The following BCAS4 variants were observed in gnomAD, a reference collection of about 807,000 sequenced individuals.
BCAS4 encodes the protein breast carcinoma amplified sequence 4, also known as breast carcinoma-amplified sequence 4.
A neutral mutation model predicts 15.7 loss-of-function variants in BCAS4; 9 were observed. The observed-to-expected ratio is 0.57, with a 90% CI of 0.34 to 1.00. BCAS4 has a LOEUF of 1.00. Ranked by LOEUF, BCAS4 falls within the 50% of genes least tolerant of loss-of-function variation. The pLI is 0.02. For missense variants in BCAS4, 225 were observed against 239.1 expected, an observed-to-expected ratio of 0.94 and a Z score of 0.39; for synonymous variants, 101 against 99.5, an observed-to-expected ratio of 1.02 and a Z score of -0.09.
chr20:50,867,726 C>T (rs915845247), intron 4 of BCAS4, among the ~76,000 whole-genome samples: 3 of 152,200 alleles, frequency 2.0e-5, no homozygotes, highest in East Asian at 3.9e-4. Context: ...TCAGCCTAGT[C>T]AACATGGTGA....
At chr20:50,812,972 T>C (rs1354067923) in intron 1 of BCAS4, among the ~76,000 whole-genome samples, 2 of 152,030 alleles carry the variant, frequency 1.3e-5, no homozygotes, top group Non-Finnish European at 2.9e-5. Context: ...CATGCCACCA[T>C]GTCCGGCTAA....
At chr20:50,862,229 A>T (rs555307521) in intron 4 of BCAS4, among the ~76,000 whole-genome samples, 1 of 150,034 alleles carries the variant, frequency 6.7e-6, no homozygotes, top group Admixed American at 6.7e-5. Context: ...CGCTCTCTGG[A>T]TTCTGCCCTC....
At chr20:50,818,102 G>A (rs573599819) in intron 1 of BCAS4, 109 bp from the exon 2 acceptor site, 57 of 985,412 alleles carry the variant, frequency 5.8e-5, no homozygotes, top group African/African-American at 4.6e-4. Context: ...AGCAGGAACC[G>A]GGCACATAAT....
At chr20:50,820,279 A>G (rs2088197870) in intron 2 of BCAS4, among the ~76,000 whole-genome samples, 1 of 152,202 alleles carries the variant, frequency 6.6e-6, no homozygotes, top group Non-Finnish European at 1.5e-5. Flanking sequence ...GTGCCGTCCC[A>G]TGCTACAGTG....
In BCAS4 at chr20:50,796,485, A is replaced by ATTTTTTTTTTTTTTTTTTTTTT. The variant is rs1198586862; in HGVS notation, c.90+1313_90+1314insTTTTTTTTTTTTTTTTTTTTTT. On this transcript the variant is annotated intron_variant, in intron 1 of 4. Coordinates refer to ENST00000371608, the MANE Select transcript of BCAS4 (RefSeq NM_198799.4). ...TATATATATATATATATATATATAT[A>ATTTTTTTTTTTTTTTTTTTTTT]TATTTTTTTTTTTTTTTTTTTTTTT... is the stretch of plus-strand genomic sequence containing the variant. Among the ~76,000 whole-genome samples the ATTTTTTTTTTTTTTTTTTTTTT allele has an allele frequency of 1.9e-4, 2 of 10,312 alleles. 1 individual carries two copies. Among genetic ancestry groups the ATTTTTTTTTTTTTTTTTTTTTT allele is most frequent in the Non-Finnish European group, 3.2e-4 (2 of 6,266 alleles). The allele number at this position is 10,312 out of a possible 152,430, so 6.8% of individuals were successfully genotyped here.
chr20:50,826,692 C>A (rs1023220092), intron 2 of BCAS4, among the ~76,000 whole-genome samples: 15 of 152,064 alleles, frequency 9.9e-5, no homozygotes, highest in Non-Finnish European at 1.5e-4. Flanking sequence ...TACTAAGGGG[C>A]CAGGCACAAT....
intron 1 of BCAS4, among the ~76,000 whole-genome samples, chr20:50,809,860 C>T (rs573972942): frequency 1.3e-5 from 2 of 152,158 alleles, no homozygotes; most frequent in South Asian, 2.1e-4. Context: ...TTATTTTTTG[C>T]AGCTGTTGCA....
Position 50,818,298 on chromosome 20 carries a change from G to A in BCAS4, c.162+16G>A. The stretch of plus-strand genomic sequence containing the variant: ...GGCTGACCTGGTGAGTGGCTGCCTG[G>A]AAGGCGTGGGTTTAGGCCCAGGCCA... On this transcript the variant is annotated intron_variant, in intron 2 of 4. Coordinates refer to ENST00000371608, the MANE Select transcript of BCAS4 (RefSeq NM_198799.4). The A allele has an allele frequency of 6.2e-7, 1 of 1,610,756 alleles. No individual in the cohort carries two copies. The highest frequency in any genetic ancestry group is 1.1e-5 in the South Asian group (1 of 90,400).
intron 2 of BCAS4, among the ~76,000 whole-genome samples, chr20:50,823,301 C>T (rs2088239221): frequency 6.6e-6 from 1 of 152,028 alleles, no homozygotes; most frequent in South Asian, 2.1e-4. Context: ...GATTGCATCA[C>T]TGCACTCCAG....
chr20:50,849,372 T>C (rs2088583283), intron 4 of BCAS4, among the ~76,000 whole-genome samples: 1 of 152,184 alleles, frequency 6.6e-6, no homozygotes, highest in Admixed American at 6.5e-5. Context: ...CTGGCCCACC[T>C]GTTCACCCCT....
chr20:50,801,169 G>A (rs1313185457), intron 1 of BCAS4, among the ~76,000 whole-genome samples: 1 of 151,906 alleles, frequency 6.6e-6, no homozygotes, highest in African/African-American at 2.4e-5. Flanking sequence ...GCTCATGCCT[G>A]TAATTCTAGC....
rs772094503 is a variant in BCAS4 at position 50,818,278 on chromosome 20, A to G, written c.158A>G (p.Asp53Gly). 6.2e-7 allele frequency: 1 copy of G among 1,613,362 alleles called. No homozygotes were observed. Reference protein sequence around the residue: ...LRLEEFCSLADLIRSDTSQIL... With the variant: ...LRLEEFCSLAGLIRSDTSQIL... ...CTGGAAGAGTTTTGCAGCCTGGCTGACCTGGTGAGTGGCTGCCTGGAAGGC... is the reference window on the plus strand; with the variant it reads ...CTGGAAGAGTTTTGCAGCCTGGCTGGCCTGGTGAGTGGCTGCCTGGAAGGC... The change falls in exon 2 of 5, where the codon GAC becomes GGC. Residue 53 changes from aspartate (D) to glycine (G), a missense_variant. Asp to Gly is a moderately conservative substitution (Grantham distance 94). Coordinates refer to ENST00000371608, the MANE Select transcript of BCAS4 (RefSeq NM_198799.4).
intron 2 of BCAS4, among the ~76,000 whole-genome samples, chr20:50,819,189 A>G (rs1311316357): frequency 1.3e-5 from 2 of 152,022 alleles, no homozygotes; most frequent in Non-Finnish European, 2.9e-5. Context: ...TCTCAAAAAA[A>G]AAAGAAAAGA....
chr20:50,828,609 G>A lies in BCAS4; in HGVS notation c.163-1670G>A, dbSNP rs572976762. On this transcript the variant is annotated intron_variant, in intron 2 of 4. Coordinates refer to ENST00000371608, the MANE Select transcript of BCAS4 (RefSeq NM_198799.4). ...AACCTGGCCAACGTGGTGAAACCCC[G>A]TCTCTACTAAAATACAAAAACTACG... 2.9e-4 allele frequency among the ~76,000 whole-genome samples: 44 copies of A among 152,232 alleles called. 1 individual carries two copies. The South Asian group carries it at 4.4e-3, about 15-fold the overall frequency.
intron 2 of BCAS4, among the ~76,000 whole-genome samples, chr20:50,821,524 G>A (rs1225945125): frequency 6.6e-6 from 1 of 152,186 alleles, no homozygotes; most frequent in Non-Finnish European, 1.5e-5. Flanking sequence ...GCCCTAGCTT[G>A]GGGCCTCTTT....
At chr20:50,795,432 G>T (rs2087842621) in intron 1 of BCAS4, among the ~76,000 whole-genome samples, 1 of 152,150 alleles carries the variant, frequency 6.6e-6, no homozygotes, top group Admixed American at 6.5e-5. Context: ...CATCCGCCGG[G>T]TCCTCAGGCG....
chr20:50,818,903 C>T (rs754807150), intron 2 of BCAS4, among the ~76,000 whole-genome samples: 14 of 152,220 alleles, frequency 9.2e-5, no homozygotes, highest in Non-Finnish European at 1.6e-4. Context: ...CCTCTAGAGG[C>T]TGGGTGCAGT....
At chr20:50,881,161 T>G (rs1980110041), downstream of BCAS4, 2 of 152,172 alleles carry the variant, frequency 1.3e-5, no homozygotes. Context: ...GCCAGGGAAC[T>G]TGAGGCTGCA....
At chr20:50,863,406 T>C (rs1199419227) in intron 4 of BCAS4, among the ~76,000 whole-genome samples, 2 of 151,694 alleles carry the variant, frequency 1.3e-5, no homozygotes, top group Non-Finnish European at 2.9e-5. Context: ...TACAGGTGCG[T>C]GCCACTATGC....
Sources: gnomAD v4.1 joint callset for allele counts (sites outside exome capture counted in the v4.1 genomes callset) on GRCh38, gnomAD v4.1.1 for gene constraint, MANE v1.5 for transcripts, NCBI Gene and HGNC (gene_info 2026-07-23, HGNC 2026-07-21) for gene names.